The following KIAA1671 variants were observed in gnomAD, a reference collection of about 807,000 sequenced individuals.
The protein encoded by KIAA1671 is uncharacterized protein KIAA1671.
Under a neutral mutation model 131.2 loss-of-function variants are expected in KIAA1671, and 52 were observed. That is an observed-to-expected ratio of 0.40 (90% confidence interval 0.32 to 0.50). The LOEUF (loss-of-function observed/expected upper bound fraction) is 0.50, where lower values mean the gene tolerates loss of function less well. Ranked by LOEUF, KIAA1671 falls within the 20% of genes least tolerant of loss-of-function variation. KIAA1671 has a pLI of 0.73. For synonymous variants in KIAA1671, 1,003 were observed against 961.6 expected (o/e 1.04, Z -0.80); for missense variants, 2,360 against 2,364.2 (o/e 1.00, Z 0.04).
chr22:25,152,665 C>T (rs374788465), intron 6 of KIAA1671, among the ~76,000 whole-genome samples: 14 of 152,270 alleles, frequency 9.2e-5, no homozygotes, highest in Non-Finnish European at 1.8e-4. Flanking sequence ...TGCAGTGGCG[C>T]GATCTTGGCT....
At chr22:25,082,277 C>T (rs1451491993) in intron 6 of KIAA1671, among the ~76,000 whole-genome samples, 1 of 152,122 alleles carries the variant, frequency 6.6e-6, no homozygotes, top group Non-Finnish European at 1.5e-5. Context: ...TTGCCGTGCA[C>T]GTGTATTGAG....
At chr22:25,009,570 C>T (rs1006161904) in intron 1 of KIAA1671, 2 of 150,804 alleles carry the variant, frequency 1.3e-5, no homozygotes, top group African/African-American at 4.9e-5. Flanking sequence ...CAGCCCCCTT[C>T]CCCACTTTTT....
chr22:25,121,801 G>A (rs1039483744), intron 6 of KIAA1671, among the ~76,000 whole-genome samples: 6 of 152,190 alleles, frequency 3.9e-5, no homozygotes, highest in Non-Finnish European at 7.3e-5. Flanking sequence ...GAAGTGATGA[G>A]ATGGGAATAT....
At chr22:25,138,348 T>C (rs1051391806) in intron 6 of KIAA1671, among the ~76,000 whole-genome samples, 15 of 152,350 alleles carry the variant, frequency 9.8e-5, no homozygotes, top group Admixed American at 9.1e-4. Context: ...TTGCATTTCA[T>C]TGGCTAGGGC....
At chr22:25,116,036 A>G (rs1001950580) in intron 6 of KIAA1671, among the ~76,000 whole-genome samples, 11 of 152,078 alleles carry the variant, frequency 7.2e-5, no homozygotes, top group African/African-American at 2.7e-4. Context: ...TCAACCTCCT[A>G]AAGTGCTGGG....
At chr22:25,153,122 A>G (rs1170303424) in intron 6 of KIAA1671, among the ~76,000 whole-genome samples, 1 of 152,188 alleles carries the variant, frequency 6.6e-6, no homozygotes, top group Non-Finnish European at 1.5e-5. Context: ...TAGTATATCA[A>G]TAGTATATCT....
At chr22:25,027,820 C>G in intron 2 of KIAA1671, 125 bp from the exon 3 acceptor site, 1 of 528,496 alleles carries the variant, frequency 1.9e-6, no homozygotes, top group Non-Finnish European at 3.2e-6. Flanking sequence ...CGGGTGAGGT[C>G]AGCAGAGGGC....
intron 6 of KIAA1671, among the ~76,000 whole-genome samples, chr22:25,093,602 G>C (rs111597543): frequency 6.6e-6 from 1 of 151,610 alleles, no homozygotes; most frequent in East Asian, 1.9e-4. Context: ...GGTGGGGAGC[G>C]GGGAGGCAGT....
chr22:25,183,716 G>A (rs1340146032), intron 10 of KIAA1671, among the ~76,000 whole-genome samples: 1 of 151,796 alleles, frequency 6.6e-6, no homozygotes, highest in Non-Finnish European at 1.5e-5. Context: ...TAGAAACGGG[G>A]TTTCACCATG....
intron 6 of KIAA1671, among the ~76,000 whole-genome samples, chr22:25,073,662 T>G (rs1030816860): frequency 2.0e-5 from 3 of 152,202 alleles, no homozygotes; most frequent in Non-Finnish European, 2.9e-5. Context: ...CCCTTTAACA[T>G]CTTTCCATTC....
intron 1 of KIAA1671, among the ~76,000 whole-genome samples, chr22:24,979,309 C>T (rs1458280210): frequency 2.0e-5 from 3 of 150,062 alleles, no homozygotes; most frequent in Non-Finnish European, 3.0e-5. Context: ...AGCCACCATG[C>T]CCGGGCAACC....
At chr22:25,022,519 T>TTTCATA (rs1357147786) in intron 1 of KIAA1671, 21 of 152,194 alleles carry the variant, frequency 1.4e-4, no homozygotes, top group Non-Finnish European at 2.6e-4. Context: ...TCCTGTTGAA[T>TTTCATA]TTCAGCACCT....
Position 25,049,272 on chromosome 22 carries a change from A to G in KIAA1671, c.4438A>G (p.Lys1480Glu). 1 of 1,551,922 alleles carries G rather than the reference A, an allele frequency of 6.4e-7. No homozygotes were observed. The highest frequency in any genetic ancestry group is 8.7e-7 in the Non-Finnish European group (1 of 1,146,972). Residue 1480 changes from lysine to glutamate, a missense_variant, in exon 6 of 13, where the codon AAG (lysine) becomes GAG (glutamate). Lys to Glu is a moderately conservative substitution (Grantham distance 56, BLOSUM62 1). Transcript: ENST00000358431. Reference sequence around the variant, plus strand: ...GGAGAAGGAGGATGCCCCCCAGGAGAAGGAGCGACCGCTCCAGCAGGTGTC... The same window carrying G: ...GGAGAAGGAGGATGCCCCCCAGGAGGAGGAGCGACCGCTCCAGCAGGTGTC... ...DLEKEDAPQE[K>E]ERPLQQVSPV...
At chr22:25,058,843 G>A (rs972931245) in intron 6 of KIAA1671, 3 of 152,270 alleles carry the variant, frequency 2.0e-5, no homozygotes, top group Non-Finnish European at 4.4e-5. Flanking sequence ...GCCCGGGCTG[G>A]GATGACTCGA....
At chr22:24,998,953 G>A (rs549561965) in intron 1 of KIAA1671, among the ~76,000 whole-genome samples, 1 of 151,752 alleles carries the variant, frequency 6.6e-6, no homozygotes, top group Non-Finnish European at 1.5e-5. Context: ...TGACTATTAT[G>A]GAGGAAACTG....
At chr22:25,185,294 C>G (rs759734458) in intron 11 of KIAA1671, 175 bp downstream of exon 11, 11 of 737,340 alleles carry the variant, frequency 1.5e-5, no homozygotes, top group African/African-American at 3.6e-5. Context: ...CTAAAAAGTA[C>G]AACAGAGGCC....
chr22:25,067,596 C>T (rs1163103784), intron 6 of KIAA1671, among the ~76,000 whole-genome samples: 2 of 152,024 alleles, frequency 1.3e-5, no homozygotes, highest in African/African-American at 2.4e-5. Context: ...CTTCCTTCTC[C>T]TTCCTCCCAC....
intron 1 of KIAA1671, among the ~76,000 whole-genome samples, chr22:24,992,814 C>CAAAAAAAAAAAAAA (rs761181079): frequency 1.4e-4 from 8 of 57,380 alleles, no homozygotes; most frequent in Non-Finnish European, 1.8e-4. Context: ...GACTCCGTCT[C>CAAAAAAAAAAAAAA]AAAAAAAAAA....
chr22:25,040,657 G>C lies in KIAA1671; in HGVS notation c.3527G>C (p.Arg1176Thr). 6.4e-7 allele frequency: 1 copy of C among 1,552,094 alleles called. No individual in the cohort carries two copies. Among genetic ancestry groups the C allele is most frequent in the Admixed American group, 2.0e-5 (1 of 51,014 alleles). The stretch of plus-strand genomic sequence containing the variant: ...AGTCGTCCAAAAGATCTTCCTGTGA[G>C]AAGGAAGACTGATGTGATCAGTGAC... ...LRSRPKDLPVRRKTDVISDTF... is the reference protein window; with the variant it reads ...LRSRPKDLPVTRKTDVISDTF... The change falls in exon 5 of 13, where the codon AGA (arginine) becomes ACA (threonine). Residue 1176 changes from arginine (R) to threonine (T), a missense_variant. Physicochemically the swap from Arg to Thr is moderately conservative, Grantham distance 71. This residue lies in a region of KIAA1671 where 1,161 missense variants were observed against 1,204.7 expected (regional missense o/e 0.96). Coordinates refer to ENST00000358431, the MANE Select transcript of KIAA1671 (RefSeq NM_001145206.2).
Sources: allele counts gnomAD v4.1 joint callset (sites outside exome capture counted in the v4.1 genomes callset), GRCh38; gene constraint gnomAD v4.1.1; regional missense constraint gnomAD v4.1.1; transcripts MANE v1.5; gene names NCBI Gene and HGNC (gene_info 2026-07-23, HGNC 2026-07-21).